STEAP1B: variants seen among roughly 807,000 people sequenced by gnomAD.
STEAP1B encodes the protein STEAP family member 1B.
Under a neutral mutation model 27.9 loss-of-function variants are expected in STEAP1B, and 13 were observed. The ratio of observed to expected loss-of-function variants is 0.47; its 90% CI spans 0.30 to 0.74. STEAP1B has a LOEUF of 0.74. Ranked by LOEUF, STEAP1B falls within the 30% of genes least tolerant of loss-of-function variation. The probability of loss-of-function intolerance (pLI) is 0.06; values close to 1 mark genes in which losing one functional copy is unlikely to be tolerated. For synonymous variants in STEAP1B, 86 were observed against 107.1 expected (o/e 0.80, Z 1.22); for missense variants, 250 against 298.7 (o/e 0.84, Z 1.20).
At chr7:22,464,458 T>C (rs552875972) in intron 4 of STEAP1B, among the ~76,000 whole-genome samples, 1 of 152,150 alleles carries the variant, frequency 6.6e-6, no homozygotes, top group Non-Finnish European at 1.5e-5. Context: ...CTAGGGCCAA[T>C]AAACAATACA....
At chr7:22,454,866 T>TA (rs58504014) in intron 4 of STEAP1B, among the ~76,000 whole-genome samples, 6,695 of 56,356 alleles carry the variant, frequency 0.12, 247 homozygotes, top group South Asian at 0.24. Context: ...TATATATATA[T>TA]TTTTTTTTTT....
intron 4 of STEAP1B, among the ~76,000 whole-genome samples, chr7:22,476,075 T>C (rs1785966570): frequency 6.6e-6 from 1 of 152,116 alleles, no homozygotes; most frequent in Non-Finnish European, 1.5e-5. Context: ...CAACTCAGCC[T>C]CCCAAAGCAC....
chr7:22,484,770 A>G (rs1786171475), intron 4 of STEAP1B, among the ~76,000 whole-genome samples: 1 of 152,240 alleles, frequency 6.6e-6, no homozygotes, highest in South Asian at 2.1e-4. Flanking sequence ...GATGCCATTA[A>G]AAATATTTGT....
At chr7:22,461,128 C>T (rs1035054823) in intron 4 of STEAP1B, among the ~76,000 whole-genome samples, 6 of 152,196 alleles carry the variant, frequency 3.9e-5, no homozygotes, top group Non-Finnish European at 8.8e-5. Flanking sequence ...GAACTGCTTA[C>T]CACTCATTCT....
chr7:22,483,042 G>C (rs1786112502), intron 4 of STEAP1B, among the ~76,000 whole-genome samples: 1 of 152,186 alleles, frequency 6.6e-6, no homozygotes, highest in African/African-American at 2.4e-5. Flanking sequence ...GGGTATTTCT[G>C]AGAGCTGGAT....
rs776368993 is a variant in STEAP1B, at chr7:22,456,966, ATATATAT to A, written c.762+35592_762+35598del. 3.6e-3 allele frequency among the ~76,000 whole-genome samples: 132 copies of A among 36,814 alleles called. 5 individuals carry two copies. In the East Asian group the frequency reaches 0.064, roughly 18 times the overall value. The allele number at this position is 36,814 out of a possible 152,430, so 24.2% of individuals were successfully genotyped here. A position where few individuals can be genotyped will look rare whatever the true frequency, so the allele number is the denominator to read the frequency against. On this transcript the variant is annotated intron_variant, in intron 4 of 4. Transcript: ENST00000678116. ...GGGATAGGCAGCTATATATATATAT[ATATATAT>A]TTTTTTTTTTTTTAAGTATCCTGGG...
intron 4 of STEAP1B, among the ~76,000 whole-genome samples, chr7:22,451,101 G>C (rs1035905642): frequency 6.6e-6 from 1 of 151,970 alleles, no homozygotes; most frequent in Non-Finnish European, 1.5e-5. Context: ...GGAGGCTGAG[G>C]CACAAGAATT....
chr7:22,448,304 A>G (rs1213592726), intron 4 of STEAP1B, among the ~76,000 whole-genome samples: 1 of 152,202 alleles, frequency 6.6e-6, no homozygotes, highest in Non-Finnish European at 1.5e-5. Context: ...TATAGATACC[A>G]ATTATATTTT....
At chr7:22,447,265 T>C (rs1785422696) in intron 4 of STEAP1B, among the ~76,000 whole-genome samples, 1 of 152,184 alleles carries the variant, frequency 6.6e-6, no homozygotes, top group Non-Finnish European at 1.5e-5. Flanking sequence ...TTGGTCACCA[T>C]TGCTTATTAA....
At chr7:22,467,641 G>C (rs1016505527) in intron 4 of STEAP1B, among the ~76,000 whole-genome samples, 2 of 152,112 alleles carry the variant, frequency 1.3e-5, no homozygotes, top group South Asian at 4.1e-4. Flanking sequence ...CATTTTATAA[G>C]GGGAAACCCC....
chr7:22,455,220 G>C (rs1785560191), intron 4 of STEAP1B, among the ~76,000 whole-genome samples: 3 of 152,200 alleles, frequency 2.0e-5, no homozygotes, highest in African/African-American at 7.2e-5. Flanking sequence ...ATTGTTGAGA[G>C]ACCATAAATC....
intron 4 of STEAP1B, among the ~76,000 whole-genome samples, chr7:22,474,379 A>G (rs765067963): frequency 6.6e-5 from 10 of 152,204 alleles, no homozygotes; most frequent in Non-Finnish European, 1.3e-4. Context: ...TATCTGAGAT[A>G]TGGCCGGGAC....
intron 4 of STEAP1B, among the ~76,000 whole-genome samples, chr7:22,466,383 C>A: frequency 8.0e-6 from 1 of 124,282 alleles, no homozygotes; most frequent in South Asian, 3.1e-4. Context: ...CCACCCTCCA[C>A]CCTCAAGTAG....
chr7:22,430,793 C>T (rs771843999), intron 4 of STEAP1B, among the ~76,000 whole-genome samples: 4 of 152,208 alleles, frequency 2.6e-5, no homozygotes, highest in East Asian at 1.9e-4. Context: ...CTTCTAAGCC[C>T]GTCAGACAGA....
In STEAP1B at chr7:22,419,569, A is replaced by C. The variant is rs1785018965; in HGVS notation, c.*235T>G. On this transcript the variant is annotated 3_prime_UTR_variant, in exon 5 of 5. Transcript: ENST00000678116. ...GGTTAGGCTCCGTAACAACCAACAC[A>C]ATCTCAGTGGATTAGCACAACACAT... 2.8e-6 allele frequency: 1 copy of C among 359,418 alleles called. No homozygotes were observed. Among genetic ancestry groups the C allele is most frequent in the South Asian group, 8.6e-5 (1 of 11,576 alleles). The allele number at this position is 359,418 out of a possible 1,614,324, so 22.3% of individuals were successfully genotyped here.
intron 4 of STEAP1B, among the ~76,000 whole-genome samples, chr7:22,462,768 A>G (rs1785702033): frequency 6.6e-6 from 1 of 151,632 alleles, no homozygotes; most frequent in South Asian, 2.1e-4. Context: ...GGCTGGGTCA[A>G]ATGGTATTTC....
chr7:22,454,664 A>T (rs1043533410), intron 4 of STEAP1B, among the ~76,000 whole-genome samples: 1 of 151,662 alleles, frequency 6.6e-6, no homozygotes, highest in Non-Finnish European at 1.5e-5. Flanking sequence ...GGAGCTGTGC[A>T]CGGCCGAGGC....
intron 4 of STEAP1B, among the ~76,000 whole-genome samples, chr7:22,422,179 T>C (rs1163261783): frequency 6.6e-6 from 1 of 152,206 alleles, no homozygotes; most frequent in East Asian, 1.9e-4. Context: ...AGCAACCTAG[T>C]GTGTGTGCAT....
At chr7:22,446,160 C>T (rs1287114790) in intron 4 of STEAP1B, among the ~76,000 whole-genome samples, 2 of 152,132 alleles carry the variant, frequency 1.3e-5, no homozygotes, top group African/African-American at 4.8e-5. Context: ...GTTCAAAGAC[C>T]CATTGGATGA....
Sources: gnomAD v4.1 joint callset for allele counts (sites outside exome capture counted in the v4.1 genomes callset) on GRCh38, gnomAD v4.1.1 for gene constraint, MANE v1.5 for transcripts, NCBI Gene and HGNC (gene_info 2026-07-23, HGNC 2026-07-21) for gene names.